Variants in OCA2 observed in about 807,000 individuals in gnomAD.
OCA2 encodes the protein OCA2 melanosomal transmembrane protein.
Under a neutral mutation model 100.2 loss-of-function variants are expected in OCA2, and 77 were observed. The observed-to-expected ratio is 0.77, with a 90% confidence interval of 0.64 to 0.93. OCA2 has a LOEUF of 0.93. Among genes scored for constraint, OCA2 ranks in the 40% least tolerant of loss-of-function variants. The pLI, the probability that OCA2 is intolerant of heterozygous loss-of-function variation, is 0.00. For missense variants in OCA2, 1,062 were observed against 1,089.1 expected (o/e 0.98, Z 0.35); for synonymous variants, 432 against 439.2 (o/e 0.98, Z 0.21).
Position 27,957,625 on chromosome 15 carries a change from C to G in OCA2, c.1747G>C (p.Glu583Gln), listed in dbSNP as rs1160107047. ...TGCAGCCTCCGGGCGAGCAGGTGCT[C>G]CAGTGCCAGCACCTTCCCCAGCAGC... ...RLLLGKVLAL[E>Q]HLLARRLHTF... is the part of the protein sequence containing the mutation. The change falls in exon 16 of 24, where the codon GAG becomes CAG. Residue 583 changes from glutamate to glutamine, a missense_variant. Physicochemically the swap from Glu to Gln is conservative, Grantham distance 29 (BLOSUM62 2). Transcript: ENST00000354638. The surrounding 1 kb of genome is among the most constrained non-coding windows in gnomAD (Gnocchi z 4.3). 6.2e-7 allele frequency: 1 copy of G among 1,612,882 alleles called. No homozygotes were observed. The highest frequency in any genetic ancestry group is 1.3e-5 in the African/African-American group (1 of 74,932).
intron 19 of OCA2, among the ~76,000 whole-genome samples, chr15:27,878,136 T>G (rs1267563449): frequency 6.6e-6 from 1 of 151,988 alleles, no homozygotes; most frequent in Admixed American, 6.6e-5. Context: ...TCACTTTACC[T>G]CTCCCCTTTC....
At chr15:27,813,871 C>T (rs1447009157) in intron 23 of OCA2, among the ~76,000 whole-genome samples, 1 of 152,146 alleles carries the variant, frequency 6.6e-6, no homozygotes, top group African/African-American at 2.4e-5. Context: ...AAGATGAAGA[C>T]AGGAGAAAAT....
chr15:27,960,608 CT>C (rs2040375966), intron 15 of OCA2, among the ~76,000 whole-genome samples: 1 of 152,120 alleles, frequency 6.6e-6, no homozygotes, highest in Non-Finnish European at 1.5e-5. Flanking sequence ...ATCTATCTAT[CT>C]ATCTATCTAT....
At chr15:27,813,661 T>C (rs1435798921) in intron 23 of OCA2, among the ~76,000 whole-genome samples, 1 of 152,216 alleles carries the variant, frequency 6.6e-6, no homozygotes, top group Non-Finnish European at 1.5e-5. Flanking sequence ...ACTCAGTTCA[T>C]AATTACAGTG....
intron 2 of OCA2, among the ~76,000 whole-genome samples, chr15:28,080,040 A>G (rs1323562352): frequency 6.6e-6 from 1 of 152,126 alleles, no homozygotes; most frequent in Non-Finnish European, 1.5e-5. Flanking sequence ...GGTTTTCCCA[A>G]TTCTTGTCTC....
chr15:27,753,865 G>A (rs1051849312), downstream of OCA2, among the ~76,000 whole-genome samples: 2 of 152,148 alleles, frequency 1.3e-5, no homozygotes, highest in Non-Finnish European at 2.9e-5. Flanking sequence ...TGTAGGGGAT[G>A]ACGTGTTAAA....
At chr15:27,989,774 G>C in intron 10 of OCA2, 108 bp from the exon 11 acceptor site, 2 of 991,312 alleles carry the variant, frequency 2.0e-6, no homozygotes, top group Non-Finnish European at 3.1e-6. Context: ...GGCGGGCCAG[G>C]GTTGGAAATC....
At chr15:27,826,596 G>A (rs768950359) in intron 23 of OCA2, among the ~76,000 whole-genome samples, 1 of 152,156 alleles carries the variant, frequency 6.6e-6, no homozygotes, top group African/African-American at 2.4e-5. Context: ...CGACTCCTGC[G>A]TTCATGCCTC....
chr15:28,092,325 C>A (rs1274259257), intron 1 of OCA2, among the ~76,000 whole-genome samples: 1 of 152,156 alleles, frequency 6.6e-6, no homozygotes, highest in African/African-American at 2.4e-5. Flanking sequence ...GATGGTCACA[C>A]AACTCAGTGA....
chr15:27,920,993 T>C (rs564308924), intron 19 of OCA2, among the ~76,000 whole-genome samples: 1 of 142,708 alleles, frequency 7.0e-6, no homozygotes, highest in East Asian at 3.2e-4. Flanking sequence ...AGGAAGAGAA[T>C]AATTTTTTTT....
chr15:27,847,764 AC>A, intron 22 of OCA2, among the ~76,000 whole-genome samples: 1 of 152,340 alleles, frequency 6.6e-6, no homozygotes, highest in East Asian at 1.9e-4. Context: ...CAAATCTGCC[AC>A]CATTTCTGTT....
chr15:28,095,089 A>G (rs924286958), intron 1 of OCA2, among the ~76,000 whole-genome samples: 7 of 152,232 alleles, frequency 4.6e-5, no homozygotes, highest in Non-Finnish European at 8.8e-5. Flanking sequence ...CGCTCAAGCT[A>G]GGCCGGGTCA....
intron 23 of OCA2, among the ~76,000 whole-genome samples, chr15:27,841,168 A>C (rs2151362416): frequency 6.6e-6 from 1 of 152,368 alleles, no homozygotes; most frequent in East Asian, 1.9e-4. Flanking sequence ...ATTTGGATGA[A>C]TTGCTAGACA....
At chr15:27,854,634 T>C (rs1490233338) in intron 21 of OCA2, among the ~76,000 whole-genome samples, 1 of 152,244 alleles carries the variant, frequency 6.6e-6, no homozygotes, top group Non-Finnish European at 1.5e-5. Flanking sequence ...TGTCTTATGA[T>C]AAACGCGATT....
chr15:27,748,305 A>G, the OCA2 span, among the ~76,000 whole-genome samples: 10 of 152,302 alleles, frequency 6.6e-5, no homozygotes, highest in African/African-American at 2.2e-4. Flanking sequence ...GCACTGCTCC[A>G]TAGTTGGGGG....
At chr15:27,827,989 A>C (rs2034799635) in intron 23 of OCA2, among the ~76,000 whole-genome samples, 1 of 152,156 alleles carries the variant, frequency 6.6e-6, no homozygotes. Context: ...TATAATTATA[A>C]ATAGATTTTT....
chr15:27,857,759 A>G (rs1439379297), intron 21 of OCA2, among the ~76,000 whole-genome samples: 3 of 152,304 alleles, frequency 2.0e-5, no homozygotes, highest in South Asian at 2.1e-4. Context: ...GGAGAGAAAG[A>G]GACAGGAAAA....
chr15:27,722,515 T>C, the OCA2 span, among the ~76,000 whole-genome samples: 1 of 152,168 alleles, frequency 6.6e-6, no homozygotes, highest in East Asian at 1.9e-4. Flanking sequence ...TCTTTTAGTA[T>C]TTATGGGAAA....
chr15:27,770,974 CCT>C (rs1566949549), intron 23 of OCA2, among the ~76,000 whole-genome samples: 10 of 93,738 alleles, frequency 1.1e-4, no homozygotes, highest in Non-Finnish European at 2.0e-4. Context: ...TCCCTCCCTT[CCT>C]TTCCTTCTTT....
Sources: allele counts gnomAD v4.1 joint callset (sites outside exome capture counted in the v4.1 genomes callset), GRCh38; gene constraint gnomAD v4.1.1; non-coding constraint Gnocchi (gnomAD v3.1); transcripts MANE v1.5; gene names NCBI Gene and HGNC (gene_info 2026-07-23, HGNC 2026-07-21).